Variants in C10orf67 observed in about 807,000 individuals in gnomAD.
The protein encoded by C10orf67 is chromosome 10 open reading frame 67.
Under a neutral mutation model 35.6 loss-of-function variants are expected in C10orf67, and 60 were observed. The ratio of observed to expected loss-of-function variants is 1.68; its 90% CI spans 1.37 to 2.09. C10orf67 has a LOEUF of 2.09. C10orf67 is among the 30% of genes most tolerant of loss of function. C10orf67 has a pLI of 0.00. For missense variants in C10orf67, 474 were observed against 330.2 expected (o/e 1.44, Z -3.38); for synonymous variants, 167 against 115.8 (o/e 1.44, Z -2.84).
At chr10:23,324,508 A>T (rs2132352097) in intron 2 of C10orf67, among the ~76,000 whole-genome samples, 1 of 152,272 alleles carries the variant, frequency 6.6e-6, no homozygotes, top group South Asian at 2.1e-4. Flanking sequence ...ATAACTCTGG[A>T]AGTGCAGACT....
rs545849327 is a variant in C10orf67, at chr10:23,234,538, G to C, written c.1434+5191C>G. Among the ~76,000 whole-genome samples the C allele has an allele frequency of 3.9e-5, 6 of 152,296 alleles. No individual in the cohort carries two copies. In the South Asian group the frequency reaches 1.2e-3, roughly 32 times the overall value. ...TGAGGCCTACCAGAGGGAGGAGGATGGGAGGAGGAAGAAGATCAGGAAAAA... is the reference window on the plus strand; with the variant it reads ...TGAGGCCTACCAGAGGGAGGAGGATCGGAGGAGGAAGAAGATCAGGAAAAA... On this transcript the variant is annotated intron_variant, in intron 13 of 15. Transcript: ENST00000636213.
rs778477493 is a variant in C10orf67 at position 23,250,746 on chromosome 10, CT to C, written c.1201-56del. 2.3e-5 allele frequency: 9 copies of C among 397,674 alleles called. No homozygotes were observed. The South Asian group carries it at 4.0e-4, about 18-fold the overall frequency. 24.6% of individuals were successfully genotyped at this position (397,674 alleles called of 1,614,324 possible). The stretch of plus-strand genomic sequence containing the variant: ...ATTACACAAACAATATATCTTGTTT[CT>C]CCATAAATCTGAAAAGACTATTTCT... On this transcript the variant is annotated intron_variant, in intron 10 of 15. Transcript: ENST00000636213.
intron 2 of C10orf67, 84 bp from the exon 3 acceptor site, chr10:23,322,621 G>T: frequency 2.4e-6 from 2 of 841,530 alleles, no homozygotes; most frequent in Non-Finnish European, 3.7e-6. Flanking sequence ...CTAAGTGGGA[G>T]CAAAATGATG....
chr10:23,267,235 TC>T lies in C10orf67; in HGVS notation c.994del (p.Asp332ThrfsTer4), dbSNP rs1564480125. The T allele has an allele frequency of 7.0e-6, 5 of 716,014 alleles. No individual in the cohort carries two copies. The allele number at this position is 716,014 out of a possible 1,614,324, so 44.4% of individuals were successfully genotyped here. ...GCCATACTTTTTTCTCATTTCCTTGTCCTCTTTCTGTTTATTAATCTGTAAA... is the reference window on the plus strand; with the variant it reads ...GCCATACTTTTTTCTCATTTCCTTGTCTCTTTCTGTTTATTAATCTGTAAA... Reference protein sequence around the residue: ...VQDVINKQKEDKEMRKKYGSL... With the variant: ...VQDVINKQKEXKEMRKKYGSL... On this transcript the variant is annotated frameshift_variant, in exon 9 of 16. Coordinates refer to ENST00000636213, the MANE Select transcript of C10orf67 (RefSeq NM_001371909.1). LOFTEE classifies it high-confidence loss of function.
rs1039511490 is a variant in C10orf67 at position 23,203,049 on chromosome 10, G to C, written c.*1124C>G. 1.3e-5 allele frequency: 2 copies of C among 152,156 alleles called. No individual in the cohort carries two copies. Among genetic ancestry groups the C allele is most frequent in the African/African-American group, 4.8e-5 (2 of 41,428 alleles). 9.4% of individuals were successfully genotyped at this position (152,156 alleles called of 1,614,324 possible). A position where few individuals can be genotyped will look rare whatever the true frequency, so the allele number is the denominator to read the frequency against. On this transcript the variant is annotated 3_prime_UTR_variant, in exon 16 of 16. Transcript: ENST00000636213. ...CTAATTAAGCCAATTCATTTCTAAA[G>C]GAGAAAAATTCCTTTCTTTAGCCAA...
At chr10:23,309,764 C>T (rs1844425652) in intron 4 of C10orf67, among the ~76,000 whole-genome samples, 1 of 152,176 alleles carries the variant, frequency 6.6e-6, no homozygotes, top group Non-Finnish European at 1.5e-5. Flanking sequence ...TCTGGATGGG[C>T]TCGGCCACTC....
In C10orf67 at chr10:23,315,050, G is replaced by A. The variant is rs554685852; in HGVS notation, c.546+5691C>T. 6.6e-5 allele frequency among the ~76,000 whole-genome samples: 10 copies of A among 152,294 alleles called. No individual in the cohort carries two copies. The East Asian group carries it at 1.9e-3, about 29-fold the overall frequency. On this transcript the variant is annotated intron_variant, in intron 4 of 15. Transcript: ENST00000636213. ...TTCGTTTTATTTTCAACTTTCCTCT[G>A]TTCTTCCTTATGACTAAGCCTTAAC... is the stretch of plus-strand genomic sequence containing the variant.
chr10:23,276,182 G>A (rs545288859), intron 8 of C10orf67, among the ~76,000 whole-genome samples: 94 of 152,266 alleles, frequency 6.2e-4, no homozygotes, highest in African/African-American at 2.1e-3. Flanking sequence ...ACCACTGAGT[G>A]TAGGTGTGGA....
intron 15 of C10orf67, among the ~76,000 whole-genome samples, chr10:23,206,007 A>G (rs1283562439): frequency 6.6e-6 from 1 of 152,236 alleles, no homozygotes; most frequent in Non-Finnish European, 1.5e-5. Context: ...TTGCAATTCA[A>G]AAGCACTGAT....
intron 1 of C10orf67, among the ~76,000 whole-genome samples, chr10:23,344,257 G>A (rs1846046261): frequency 7.9e-6 from 1 of 126,696 alleles, no homozygotes; most frequent in Admixed American, 7.8e-5. Flanking sequence ...AAGTAGAGGA[G>A]GTGTGGAGGG....
rs1049610386 is a variant in C10orf67 at position 23,228,221 on chromosome 10, G to T, written c.1435-4403C>A. 7.2e-5 allele frequency among the ~76,000 whole-genome samples: 11 copies of T among 152,228 alleles called. No individual in the cohort carries two copies. The South Asian group carries it at 1.0e-3, about 14-fold the overall frequency. ...AAGGCTACAGTAACCAAAAAAGCAT[G>T]GTACTGGTACCAAACCAGAGATATA... On this transcript the variant is annotated intron_variant, in intron 13 of 15. Transcript: ENST00000636213.
At chr10:23,265,652 T>C (rs1842867886) in intron 10 of C10orf67, among the ~76,000 whole-genome samples, 1 of 152,220 alleles carries the variant, frequency 6.6e-6, no homozygotes, top group South Asian at 2.1e-4. Flanking sequence ...GGAGGTATTG[T>C]ATAATGTAGT....
chr10:23,242,060 C>T (rs1842197484), intron 12 of C10orf67, among the ~76,000 whole-genome samples: 1 of 152,024 alleles, frequency 6.6e-6, no homozygotes, highest in Non-Finnish European at 1.5e-5. Flanking sequence ...CAACTTCCAC[C>T]TCCTGGGTTC....
At chr10:23,254,044 G>T (rs1842536235) in intron 10 of C10orf67, among the ~76,000 whole-genome samples, 2 of 152,250 alleles carry the variant, frequency 1.3e-5, no homozygotes, top group South Asian at 4.1e-4. Flanking sequence ...ACACACACTG[G>T]TCTTTATGTG....
chr10:23,313,106 G>A (rs1015992881), intron 4 of C10orf67, among the ~76,000 whole-genome samples: 1 of 152,076 alleles, frequency 6.6e-6, no homozygotes, highest in African/African-American at 2.4e-5. Context: ...GTCCTTCAGG[G>A]CTCAGCATAG....
Position 23,344,595 on chromosome 10 carries a change from C to G in C10orf67, c.180G>C (p.Lys60Asn), listed in dbSNP as rs1483045606. 6.3e-7 allele frequency: 1 copy of G among 1,579,940 alleles called. No individual in the cohort carries two copies. ...ARRKREAREF[K>N]PPQMRGSTRL... is the part of the protein sequence containing the mutation. ...TCGTGGACCCGCGCATTTGCGGGGGCTTGAATTCCCGAGCTTCTCGCTTCC... is the reference window on the plus strand; with the variant it reads ...TCGTGGACCCGCGCATTTGCGGGGGGTTGAATTCCCGAGCTTCTCGCTTCC... The change falls in exon 1 of 16, where the codon AAG becomes AAC. Residue 60 changes from lysine (K) to asparagine (N), a missense_variant. Coordinates refer to ENST00000636213, the MANE Select transcript of C10orf67 (RefSeq NM_001371909.1).
At chr10:23,344,508 C>T (rs1265803272) in intron 1 of C10orf67, 61 bp downstream of exon 1, 4 of 1,476,124 alleles carry the variant, frequency 2.7e-6, no homozygotes, top group Non-Finnish European at 3.7e-6. Context: ...CCTTCAGCCT[C>T]CCGCCGTGCC....
chr10:23,218,675 A>C (rs1244185852), intron 15 of C10orf67, among the ~76,000 whole-genome samples: 1 of 152,178 alleles, frequency 6.6e-6, no homozygotes, highest in Non-Finnish European at 1.5e-5. Context: ...GGTGGCAGTG[A>C]CATTAACATT....
At chr10:23,301,734 C>T (rs1323416679) in intron 5 of C10orf67, among the ~76,000 whole-genome samples, 2 of 152,132 alleles carry the variant, frequency 1.3e-5, no homozygotes, top group East Asian at 1.9e-4. Flanking sequence ...GTTCTCTGAC[C>T]TGGGGTTCTT....
Sources: gnomAD v4.1 joint callset for allele counts (sites outside exome capture counted in the v4.1 genomes callset) on GRCh38, gnomAD v4.1.1 for gene constraint, MANE v1.5 for transcripts, NCBI Gene and HGNC (gene_info 2026-07-23, HGNC 2026-07-21) for gene names.